GLI2: variants seen among roughly 807,000 people sequenced by gnomAD.
GLI2 encodes GLI family zinc finger 2.
A neutral mutation model predicts 78.9 loss-of-function variants in GLI2; 22 were observed. The observed-to-expected ratio is 0.28, with a 90% CI of 0.20 to 0.40. The LOEUF (loss-of-function observed/expected upper bound fraction) is 0.40, where lower values mean the gene tolerates loss of function less well. Ranked by LOEUF, GLI2 falls within the 10% of genes least tolerant of loss-of-function variation. The probability of loss-of-function intolerance (pLI) is 1.00; values close to 1 mark genes in which losing one functional copy is unlikely to be tolerated. For synonymous variants in GLI2, 974 were observed against 963.7 expected (o/e 1.01, Z -0.20); for missense variants, 2,097 against 2,213.2 (o/e 0.95, Z 1.05).
At chr2:120,951,972 C>A (rs2104953404) in intron 4 of GLI2, among the ~76,000 whole-genome samples, 1 of 152,338 alleles carries the variant, frequency 6.6e-6, no homozygotes, top group South Asian at 2.1e-4. Flanking sequence ...GCTCAGAGAT[C>A]AGATGGCCAC....
At chr2:120,952,210 C>A (rs12711536) in intron 4 of GLI2, among the ~76,000 whole-genome samples, 1 of 152,100 alleles carries the variant, frequency 6.6e-6, no homozygotes, top group Non-Finnish European at 1.5e-5. Flanking sequence ...CCGTGCCGCC[C>A]CTGAGAGCGC....
At chr2:120,748,599 G>A (rs1682764614) in intron 1 of GLI2, among the ~76,000 whole-genome samples, 1 of 152,186 alleles carries the variant, frequency 6.6e-6, no homozygotes. Context: ...GCCTATCCAT[G>A]GTTTAGCTTC....
At chr2:120,945,260 G>A (rs1680651555) in intron 3 of GLI2, among the ~76,000 whole-genome samples, 1 of 152,222 alleles carries the variant, frequency 6.6e-6, no homozygotes, top group Non-Finnish European at 1.5e-5. Context: ...TGCTGCTGCC[G>A]CTGGTCGCTA....
chr2:120,854,573 C>T (rs990108597), intron 2 of GLI2, among the ~76,000 whole-genome samples: 4 of 152,108 alleles, frequency 2.6e-5, no homozygotes, highest in Admixed American at 6.5e-5. Context: ...CAGAAGGGGT[C>T]GTGTTTCATG....
rs1444598825 is a variant in GLI2, at chr2:120,989,413, C to G, written c.3448C>G (p.Pro1150Ala). The G allele has an allele frequency of 1.2e-6, 2 of 1,613,112 alleles. No individual in the cohort carries two copies. The highest frequency in any genetic ancestry group is 2.2e-5 in the South Asian group (2 of 91,092). ...CAGCCAGGTGAAGCCTCCACCCTTT[C>G]CTCAGGGCAACCTGGCGGTGGTGCA... The part of the protein sequence containing the change: ...LASQVKPPPF[P>A]QGNLAVVQQK... Residue 1150 changes from proline to alanine, a missense_variant, in exon 14 of 14, where the codon CCT (proline) becomes GCT (alanine). Physicochemically the swap from Pro to Ala is conservative, Grantham distance 27. This residue lies in a region of GLI2 where 1,290 missense variants were observed against 1,261.7 expected (regional missense o/e 1.02). Coordinates refer to ENST00000361492, the MANE Select transcript of GLI2 (RefSeq NM_001374353.1).
chr2:120,929,595 G>A (rs921126320), intron 3 of GLI2, among the ~76,000 whole-genome samples: 2 of 152,174 alleles, frequency 1.3e-5, no homozygotes, highest in Non-Finnish European at 2.9e-5. Context: ...GTGATTCTAT[G>A]GGTTATACTC....
chr2:120,775,936 G>A (rs966173758), intron 1 of GLI2, among the ~76,000 whole-genome samples: 7 of 152,250 alleles, frequency 4.6e-5, no homozygotes, highest in Non-Finnish European at 7.3e-5. Flanking sequence ...TGTGTTCTGC[G>A]GCCCTGGACC....
intron 2 of GLI2, among the ~76,000 whole-genome samples, chr2:120,830,662 T>C (rs1686314746): frequency 6.6e-6 from 1 of 152,034 alleles, no homozygotes; most frequent in Non-Finnish European, 1.5e-5. Context: ...GGGCAGAGAG[T>C]GTGAGCCCTC....
chr2:120,865,275 C>T (rs911884011), intron 2 of GLI2, among the ~76,000 whole-genome samples: 1 of 152,212 alleles, frequency 6.6e-6, no homozygotes, highest in Non-Finnish European at 1.5e-5. Flanking sequence ...GTAGCTGGGC[C>T]AGGTCCTGCT....
intron 3 of GLI2, among the ~76,000 whole-genome samples, chr2:120,937,232 A>G (rs564000148): frequency 5.9e-5 from 9 of 152,316 alleles, no homozygotes; most frequent in African/African-American, 2.2e-4. Context: ...CCAAGGAGGC[A>G]CAGTCTTTTT....
chr2:120,849,939 A>T (rs1687320070), intron 2 of GLI2, among the ~76,000 whole-genome samples: 1 of 152,260 alleles, frequency 6.6e-6, no homozygotes, highest in Non-Finnish European at 1.5e-5. Flanking sequence ...GCTTTAGATT[A>T]AAAATATGAT....
chr2:120,958,113 G>A (rs563022200), intron 5 of GLI2, among the ~76,000 whole-genome samples: 37 of 152,280 alleles, frequency 2.4e-4, no homozygotes, highest in Admixed American at 2.6e-4. Context: ...CTGGCTGCAC[G>A]GTGTCCTCCC....
At chr2:120,766,593 G>A (rs1196094497) in intron 1 of GLI2, among the ~76,000 whole-genome samples, 1 of 152,238 alleles carries the variant, frequency 6.6e-6, no homozygotes, top group African/African-American at 2.4e-5. Flanking sequence ...AGGAAGCCAG[G>A]AGGTGGTGAG....
chr2:120,789,824 G>T (rs1258179498), intron 1 of GLI2, among the ~76,000 whole-genome samples: 5 of 152,248 alleles, frequency 3.3e-5, no homozygotes, highest in Non-Finnish European at 5.9e-5. Flanking sequence ...TCTTAGCTGT[G>T]TGACTTCGGG....
intron 1 of GLI2, among the ~76,000 whole-genome samples, chr2:120,757,127 T>C (rs1045085068): frequency 1.3e-5 from 2 of 152,208 alleles, no homozygotes; most frequent in East Asian, 3.8e-4. Context: ...AATTCATTTA[T>C]AACTACTGTT....
intron 1 of GLI2, among the ~76,000 whole-genome samples, chr2:120,797,022 C>G (rs929906021): frequency 6.6e-6 from 1 of 152,220 alleles, no homozygotes; most frequent in Non-Finnish European, 1.5e-5. Flanking sequence ...ACCCGCCACT[C>G]ATATCAGTAG....
intron 2 of GLI2, among the ~76,000 whole-genome samples, chr2:120,913,435 TTAAAA>T (rs773481100): frequency 2.0e-4 from 30 of 152,248 alleles, no homozygotes; most frequent in Non-Finnish European, 3.1e-4. Flanking sequence ...AATTGTGTTA[TTAAAA>T]TAATCACCTG....
intron 2 of GLI2, among the ~76,000 whole-genome samples, chr2:120,833,280 G>A (rs1276077784): frequency 6.6e-6 from 1 of 151,804 alleles, no homozygotes; most frequent in Admixed American, 6.6e-5. Flanking sequence ...CTGGGGGCCT[G>A]GCATTTGGGG....
intron 3 of GLI2, among the ~76,000 whole-genome samples, chr2:120,950,983 G>T (rs544158010): frequency 1.3e-5 from 2 of 152,350 alleles, no homozygotes; most frequent in South Asian, 2.1e-4. Context: ...GCGGGTGCGA[G>T]GTCCATTCTC....
Sources: gnomAD v4.1 joint callset for allele counts (sites outside exome capture counted in the v4.1 genomes callset) on GRCh38, gnomAD v4.1.1 for gene constraint, gnomAD v4.1.1 regional missense constraint, MANE v1.5 for transcripts, NCBI Gene and HGNC (gene_info 2026-07-23, HGNC 2026-07-21) for gene names.